Variants in RALYL observed in about 807,000 individuals in gnomAD.
RALYL encodes the protein RNA-binding Raly-like protein.
In RALYL, 29 loss-of-function variants were observed where a neutral mutation model predicts 35.1. The ratio of observed to expected loss-of-function variants is 0.83; its 90% CI spans 0.61 to 1.13. RALYL has a LOEUF of 1.13. RALYL is among the 50% of genes most tolerant of loss of function. The probability of loss-of-function intolerance (pLI) is 0.00; values close to 1 mark genes in which losing one functional copy is unlikely to be tolerated. For synonymous variants in RALYL, 120 were observed against 127.6 expected (o/e 0.94, Z 0.40); for missense variants, 359 against 360.4 (o/e 1.00, Z 0.03).
chr8:84,651,827 G>T (rs1168847627), intron 2 of RALYL, among the ~76,000 whole-genome samples: 1 of 152,004 alleles, frequency 6.6e-6, no homozygotes, highest in Non-Finnish European at 1.5e-5. Context: ...AAAGGAACAG[G>T]ATGTCAGATT....
At chr8:84,390,221 A>G (rs1464343669) in intron 1 of RALYL, among the ~76,000 whole-genome samples, 1 of 152,000 alleles carries the variant, frequency 6.6e-6, no homozygotes, top group East Asian at 1.9e-4. Context: ...AAGCTTTTTG[A>G]TGTGCTGCTG....
chr8:84,813,003 G>A (rs973400970), intron 4 of RALYL, among the ~76,000 whole-genome samples: 5 of 152,130 alleles, frequency 3.3e-5, no homozygotes, highest in Non-Finnish European at 7.4e-5. Flanking sequence ...TTTTTCCCCC[G>A]CTCCTCTGGC....
chr8:84,659,347 G>A (rs1198745872), intron 2 of RALYL, among the ~76,000 whole-genome samples: 3 of 152,054 alleles, frequency 2.0e-5, no homozygotes, highest in African/African-American at 7.2e-5. Context: ...GAGTTGATAG[G>A]GTCTGGCTGC....
At chr8:84,543,174 G>T (rs1564116638) in intron 2 of RALYL, among the ~76,000 whole-genome samples, 1 of 151,910 alleles carries the variant, frequency 6.6e-6, no homozygotes, top group Non-Finnish European at 1.5e-5. Flanking sequence ...CCTGGTGACT[G>T]TGAACTTCCA....
intron 5 of RALYL, among the ~76,000 whole-genome samples, chr8:84,852,182 A>T (rs1191730645): frequency 1.3e-5 from 2 of 152,192 alleles, no homozygotes; most frequent in Non-Finnish European, 2.9e-5. Context: ...GAGCTATGCG[A>T]TTCCTACTTG....
chr8:84,861,050 C>T (rs554866555), intron 5 of RALYL, among the ~76,000 whole-genome samples: 1 of 152,010 alleles, frequency 6.6e-6, no homozygotes, highest in East Asian at 1.9e-4. Context: ...TATGAATTAA[C>T]CTATTATAGA....
chr8:84,775,231 C>T (rs1035689473), intron 3 of RALYL, among the ~76,000 whole-genome samples: 1 of 152,190 alleles, frequency 6.6e-6, no homozygotes, highest in African/African-American at 2.4e-5. Flanking sequence ...GCTGGGATTA[C>T]AGGCATGAGC....
intron 1 of RALYL, among the ~76,000 whole-genome samples, chr8:84,211,658 A>G (rs1041425204): frequency 2.0e-5 from 3 of 152,148 alleles, no homozygotes; most frequent in Admixed American, 6.5e-5. Context: ...AAAATTATAT[A>G]CTGATGAATG....
chr8:84,349,716 A>G (rs747162062), intron 1 of RALYL, among the ~76,000 whole-genome samples: 1 of 150,590 alleles, frequency 6.6e-6, no homozygotes, highest in African/African-American at 2.5e-5. Flanking sequence ...AATTGACAAG[A>G]GTTCTGGGAA....
At chr8:84,330,895 GA>G (rs1197621492) in intron 1 of RALYL, among the ~76,000 whole-genome samples, 1 of 152,058 alleles carries the variant, frequency 6.6e-6, no homozygotes, top group Non-Finnish European at 1.5e-5. Flanking sequence ...TGAACTTCTA[GA>G]AAACTGCATT....
chr8:84,862,592 G>C, intron 6 of RALYL, 139 bp downstream of exon 6: 1 of 674,812 alleles, frequency 1.5e-6, no homozygotes, highest in Non-Finnish European at 2.2e-6. Context: ...ATCATAAGAT[G>C]GATAAAAAAT....
intron 2 of RALYL, among the ~76,000 whole-genome samples, chr8:84,606,065 G>A (rs768085580): frequency 1.3e-5 from 2 of 152,114 alleles, no homozygotes; most frequent in Non-Finnish European, 2.9e-5. Flanking sequence ...TAAGATCACA[G>A]GAGGTTTTCA....
chr8:84,534,399 C>A (rs1381370573), intron 2 of RALYL, among the ~76,000 whole-genome samples: 1 of 152,198 alleles, frequency 6.6e-6, no homozygotes, highest in Non-Finnish European at 1.5e-5. Context: ...TGTTTTACTT[C>A]ACTTTCTAGC....
chr8:84,519,836 A>T (rs970458605), intron 1 of RALYL, among the ~76,000 whole-genome samples: 2 of 152,152 alleles, frequency 1.3e-5, no homozygotes, highest in African/African-American at 2.4e-5. Context: ...CCAGTAAGGG[A>T]TCTTTCCAAA....
At chr8:84,241,796 A>G (rs922169410) in intron 1 of RALYL, among the ~76,000 whole-genome samples, 1 of 144,902 alleles carries the variant, frequency 6.9e-6, no homozygotes. Context: ...AAAAAAAAAA[A>G]TCTGTATGGA....
intron 2 of RALYL, among the ~76,000 whole-genome samples, chr8:84,728,813 T>G (rs1349738408): frequency 6.6e-6 from 1 of 152,188 alleles, no homozygotes; most frequent in Non-Finnish European, 1.5e-5. Flanking sequence ...CTGAGGGCTC[T>G]GTTCTGTTCC....
At chr8:84,198,025 T>C (rs907236103) in intron 1 of RALYL, among the ~76,000 whole-genome samples, 1 of 152,186 alleles carries the variant, frequency 6.6e-6, no homozygotes, top group Non-Finnish European at 1.5e-5. Flanking sequence ...TCCTCACTGA[T>C]GTTTTACTGC....
chr8:84,912,816 G>T (rs968062291), intron 8 of RALYL, among the ~76,000 whole-genome samples: 2 of 151,996 alleles, frequency 1.3e-5, no homozygotes, highest in Admixed American at 6.6e-5. Flanking sequence ...TGACCCTCAG[G>T]TAAGTGCAGA....
At chr8:84,523,009 T>C (rs567901097) in intron 1 of RALYL, among the ~76,000 whole-genome samples, 2 of 152,238 alleles carry the variant, frequency 1.3e-5, no homozygotes, top group African/African-American at 4.8e-5. Flanking sequence ...AGGCACATCT[T>C]ACATGGTGGC....
Sources: gnomAD v4.1 joint callset for allele counts (sites outside exome capture counted in the v4.1 genomes callset) on GRCh38, gnomAD v4.1.1 for gene constraint, MANE v1.5 for transcripts, NCBI Gene and HGNC (gene_info 2026-07-23, HGNC 2026-07-21) for gene names.